Variants in PTPRN2 observed in about 807,000 individuals in gnomAD.
PTPRN2 encodes receptor-type tyrosine-protein phosphatase N2.
Under a neutral mutation model 118.8 loss-of-function variants are expected in PTPRN2, and 74 were observed. The observed-to-expected ratio is 0.62, with a 90% CI of 0.52 to 0.76. PTPRN2 has a LOEUF of 0.76. Among genes scored for constraint, PTPRN2 ranks in the 30% least tolerant of loss-of-function variants. The probability of loss-of-function intolerance (pLI) is 0.00; values close to 1 mark genes in which losing one functional copy is unlikely to be tolerated. For synonymous variants in PTPRN2, 641 were observed against 608.0 expected (o/e 1.05, Z -0.80); for missense variants, 1,481 against 1,394.4 (o/e 1.06, Z -0.99).
chr7:157,885,265 T>G (rs917116184), intron 12 of PTPRN2, among the ~76,000 whole-genome samples: 1 of 152,168 alleles, frequency 6.6e-6, no homozygotes, highest in Non-Finnish European at 1.5e-5. Context: ...CTTGGCTCCA[T>G]GTTCACTGTC....
At chr7:158,289,311 T>C (rs1461426154) in intron 3 of PTPRN2, among the ~76,000 whole-genome samples, 1 of 152,186 alleles carries the variant, frequency 6.6e-6, no homozygotes, top group Admixed American at 6.5e-5. Flanking sequence ...AAATATTTGA[T>C]CTTTTGGTGT....
chr7:158,257,845 G>A (rs1797134501), intron 3 of PTPRN2, among the ~76,000 whole-genome samples: 1 of 152,258 alleles, frequency 6.6e-6, no homozygotes, highest in South Asian at 2.1e-4. Context: ...GAGGGCCACA[G>A]CCCATGCCCT....
At chr7:158,239,374 C>G (rs916431247) in intron 3 of PTPRN2, among the ~76,000 whole-genome samples, 1 of 152,184 alleles carries the variant, frequency 6.6e-6, no homozygotes, top group African/African-American at 2.4e-5. Context: ...GAGCTGGTAT[C>G]CCGGAGCTTG....
chr7:158,138,974 GCACACCCTGCCCA>G (rs1232599140), intron 6 of PTPRN2, among the ~76,000 whole-genome samples: 4,716 of 149,450 alleles, frequency 0.032, 233 homozygotes, highest in African/African-American at 0.11. Flanking sequence ...ACCCTGCCCA[GCACACCCTGCCCA>G]GCACACCCTG....
At chr7:158,193,944 G>A (rs566873380) in intron 4 of PTPRN2, among the ~76,000 whole-genome samples, 11 of 150,962 alleles carry the variant, frequency 7.3e-5, no homozygotes, top group East Asian at 5.8e-4. Flanking sequence ...ATGTGAGGCC[G>A]GCATGGGGGC....
At chr7:157,670,392 G>A (rs1204281473) in intron 13 of PTPRN2, among the ~76,000 whole-genome samples, 1 of 152,084 alleles carries the variant, frequency 6.6e-6, no homozygotes, top group East Asian at 1.9e-4. Context: ...GATAACATCA[G>A]ATTGAAACCA....
rs1053620352 is a variant in PTPRN2, at chr7:158,517,770, A to G, written c.113-27985T>C. Among the ~76,000 whole-genome samples, 1 of 151,612 alleles carries G rather than the reference A, an allele frequency of 6.6e-6. No individual in the cohort carries two copies. The highest frequency in any genetic ancestry group is 1.5e-5 in the Non-Finnish European group (1 of 67,904). ...GCCAGGCAGGCCTCCAGATGCCTCC[A>G]GACTCATCCCCACCACAGCCAGGCA... On this transcript the variant is annotated intron_variant, in intron 1 of 22. Transcript: ENST00000389418. This position sits in a 1 kb window ranked among gnomAD's most constrained non-coding sequence, Gnocchi z 5.3.
At position 158,244,156 on chromosome 7, in the gene PTPRN2, G is replaced by C. The variant is rs1249388213; in HGVS notation, c.278-38883C>G. Among the ~76,000 whole-genome samples, 4 of 152,164 alleles carry C rather than the reference G, an allele frequency of 2.6e-5. No individual in the cohort carries two copies. In the East Asian group the frequency reaches 7.7e-4, roughly 29 times the overall value. On this transcript the variant is annotated intron_variant, in intron 3 of 22. Transcript: ENST00000389418. ...GAGAACAAGCTGCCTCCTTCCCCCA[G>C]GACTTCCATGGTGGTTCCTGCTCAG...
chr7:158,455,763 T>G (rs10237121), intron 2 of PTPRN2, among the ~76,000 whole-genome samples: 4 of 108,236 alleles, frequency 3.7e-5, no homozygotes, highest in Non-Finnish European at 5.8e-5. Flanking sequence ...GACAACGGCA[T>G]GGACGCCATC....
chr7:158,270,479 C>T (rs1335184669), intron 3 of PTPRN2, among the ~76,000 whole-genome samples: 5 of 152,114 alleles, frequency 3.3e-5, no homozygotes, highest in East Asian at 1.9e-4. Flanking sequence ...GAGCCTCACT[C>T]ACTGGCCATA....
intron 2 of PTPRN2, among the ~76,000 whole-genome samples, chr7:158,334,638 C>A (rs1805228325): frequency 1.0e-5 from 1 of 100,220 alleles, no homozygotes; most frequent in Non-Finnish European, 2.3e-5. Context: ...CACTCACACC[C>A]ACACTCTCAC....
At chr7:157,555,036 C>T (rs975607090) in intron 21 of PTPRN2, among the ~76,000 whole-genome samples, 5 of 148,958 alleles carry the variant, frequency 3.4e-5, no homozygotes, top group Admixed American at 1.3e-4. Context: ...GGTTGGGCTG[C>T]ACCCTCGTGC....
At chr7:158,165,377 A>G (rs917561940) in intron 6 of PTPRN2, among the ~76,000 whole-genome samples, 7 of 152,242 alleles carry the variant, frequency 4.6e-5, no homozygotes, top group African/African-American at 1.4e-4. Context: ...AGCACCATCA[A>G]TGCTCCAGCA....
rs1023702172 is a variant in PTPRN2, at chr7:157,590,672, G to A, written c.2496+4566C>T. On this transcript the variant is annotated intron_variant, in intron 17 of 22. Transcript: ENST00000389418. The surrounding 1 kb of genome is among the most constrained non-coding windows in gnomAD (Gnocchi z 4.0). Reference sequence around the variant, plus strand: ...CGGGACGGGGAGCTGATGGGGCCTCGCGGTGCCATGCTGGGGGAGAGGCTG... The same window carrying A: ...CGGGACGGGGAGCTGATGGGGCCTCACGGTGCCATGCTGGGGGAGAGGCTG... Among the ~76,000 whole-genome samples the A allele has an allele frequency of 1.7e-4, 23 of 138,020 alleles. No homozygotes were observed. The highest frequency in any genetic ancestry group is 4.2e-4 in the Admixed American group (5 of 11,996). The allele number at this position is 138,020 out of a possible 152,430, so 90.5% of individuals were successfully genotyped here.
At chr7:158,418,877 CCACT>C (rs1475257048) in intron 2 of PTPRN2, among the ~76,000 whole-genome samples, 3 of 152,224 alleles carry the variant, frequency 2.0e-5, no homozygotes, top group African/African-American at 7.2e-5. Flanking sequence ...TCTCACTGTC[CCACT>C]GTGTTGTCAC....
In PTPRN2 at chr7:157,982,163, G is replaced by GCC. The variant is rs1803255649; in HGVS notation, c.1724-83427_1724-83426insGG. ...TCCCCCATAAACCCCGAGTCACAGAGATGAGGAGGGGAATGCAGAGTGCAG... is the reference window on the plus strand; with the variant it reads ...TCCCCCATAAACCCCGAGTCACAGAGCCATGAGGAGGGGAATGCAGAGTGCAG... On this transcript the variant is annotated intron_variant, in intron 11 of 22. Coordinates refer to ENST00000389418, the MANE Select transcript of PTPRN2 (RefSeq NM_002847.5). Among the ~76,000 whole-genome samples the GCC allele has an allele frequency of 5.2e-4, 66 of 125,864 alleles. 3 individuals carry two copies. The highest frequency in any genetic ancestry group is 9.3e-4 in the East Asian group (4 of 4,290). 82.6% of individuals were successfully genotyped at this position (125,864 alleles called of 152,430 possible).
chr7:157,687,470 C>T (rs1475357432), intron 12 of PTPRN2, among the ~76,000 whole-genome samples: 2 of 152,148 alleles, frequency 1.3e-5, no homozygotes, highest in African/African-American at 4.8e-5. Context: ...TACAGGTGCT[C>T]GGTGCCAGTT....
chr7:158,172,586 TATCTCCACC>T (rs1182426863), intron 5 of PTPRN2, among the ~76,000 whole-genome samples: 1 of 146,824 alleles, frequency 6.8e-6, no homozygotes, highest in African/African-American at 2.5e-5. Context: ...GCATCTCCAC[TATCTCCACC>T]ATCAACAACA....
chr7:157,782,271 C>T (rs1803726642), intron 12 of PTPRN2, among the ~76,000 whole-genome samples: 1 of 152,248 alleles, frequency 6.6e-6, no homozygotes, highest in African/African-American at 2.4e-5. Flanking sequence ...AGCCCTGGCA[C>T]AGGCTCCAGT....
Sources: gnomAD v4.1 joint callset for allele counts (sites outside exome capture counted in the v4.1 genomes callset) on GRCh38, gnomAD v4.1.1 for gene constraint, Gnocchi (gnomAD v3.1) non-coding constraint, MANE v1.5 for transcripts, NCBI Gene and HGNC (gene_info 2026-07-23, HGNC 2026-07-21) for gene names.